The following TASP1 variants were observed in gnomAD, a reference collection of about 807,000 sequenced individuals.
TASP1 encodes taspase 1, also known as threonine aspartase 1.
TASP1 carries 16 observed loss-of-function variants against 56.6 expected under a neutral mutation model. That is an observed-to-expected ratio of 0.28 (90% CI 0.19 to 0.43). The LOEUF is 0.43. TASP1 is among the 20% of genes least tolerant of loss of function. The pLI, the probability that TASP1 is intolerant of heterozygous loss-of-function variation, is 1.00. For missense variants in TASP1, 393 were observed against 511.6 expected, an observed-to-expected ratio of 0.77 and a Z score of 2.24; for synonymous variants, 179 against 184.2, an observed-to-expected ratio of 0.97 and a Z score of 0.23.
At chr20:13,271,983 C>T in the TASP1 span, among the ~76,000 whole-genome samples, 2 of 152,006 alleles carry the variant, frequency 1.3e-5, no homozygotes, top group Admixed American at 6.5e-5. Context: ...TTTGCCATAT[C>T]GCTCAGGCTG....
At chr20:13,378,238 G>A in the TASP1 span, among the ~76,000 whole-genome samples, 2 of 152,104 alleles carry the variant, frequency 1.3e-5, no homozygotes, top group Non-Finnish European at 2.9e-5. Context: ...TCTTAACACT[G>A]CTTTAACTGT....
the TASP1 span, among the ~76,000 whole-genome samples, chr20:13,294,127 G>T: frequency 2.0e-5 from 3 of 152,172 alleles, no homozygotes; most frequent in Non-Finnish European, 4.4e-5. Flanking sequence ...ACCCAGTATT[G>T]CCAGATGTTC....
chr20:13,425,791 T>C (rs990717579), intron 12 of TASP1, among the ~76,000 whole-genome samples: 5 of 152,176 alleles, frequency 3.3e-5, no homozygotes, highest in African/African-American at 1.2e-4. Flanking sequence ...TGTTAGGGTC[T>C]TTATAACCAG....
At chr20:13,441,470 T>C (rs2043210183) in intron 11 of TASP1, among the ~76,000 whole-genome samples, 1 of 152,146 alleles carries the variant, frequency 6.6e-6, no homozygotes, top group Non-Finnish European at 1.5e-5. Flanking sequence ...CTTGTCTACA[T>C]TAAAGAGCAA....
At chr20:13,246,188 A>G in the TASP1 span, among the ~76,000 whole-genome samples, 280 of 151,798 alleles carry the variant, frequency 1.8e-3, 2 homozygotes, top group Admixed American at 3.3e-3. Flanking sequence ...CAGCAGAATC[A>G]CTTGAACCCA....
intron 7 of TASP1, among the ~76,000 whole-genome samples, chr20:13,566,013 T>C (rs1385925797): frequency 2.6e-5 from 4 of 152,170 alleles, no homozygotes; most frequent in Non-Finnish European, 5.9e-5. Context: ...CTATTCAGCC[T>C]TAAAAAGAAA....
intron 6 of TASP1, among the ~76,000 whole-genome samples, chr20:13,577,183 T>C (rs1453624265): frequency 6.6e-6 from 1 of 152,128 alleles, no homozygotes; most frequent in East Asian, 1.9e-4. Context: ...CTCTTCTAAC[T>C]TTGGAAAGAT....
chr20:13,582,269 A>C (rs1216341357), intron 5 of TASP1, among the ~76,000 whole-genome samples: 3 of 152,000 alleles, frequency 2.0e-5, no homozygotes, highest in Non-Finnish European at 4.4e-5. Flanking sequence ...CCAACTTATA[A>C]ATCCAATTTA....
chr20:13,370,111 A>G, the TASP1 span, among the ~76,000 whole-genome samples: 1 of 152,238 alleles, frequency 6.6e-6, no homozygotes, highest in Non-Finnish European at 1.5e-5. Flanking sequence ...AGATGTCAAC[A>G]CAAAGATAAG....
intron 8 of TASP1, among the ~76,000 whole-genome samples, chr20:13,555,811 T>C (rs2046138632): frequency 1.3e-5 from 2 of 152,212 alleles, no homozygotes; most frequent in Admixed American, 6.5e-5. Context: ...TCACTATCTA[T>C]GGCAGCCTTA....
chr20:13,348,080 T>C, the TASP1 span, among the ~76,000 whole-genome samples: 1 of 152,098 alleles, frequency 6.6e-6, no homozygotes, highest in Non-Finnish European at 1.5e-5. Context: ...GAGGAGGGTG[T>C]TGTTACCAGC....
intron 10 of TASP1, among the ~76,000 whole-genome samples, chr20:13,498,329 T>TGTGTG (rs2043806575): frequency 6.9e-5 from 8 of 115,940 alleles, no homozygotes; most frequent in South Asian, 3.0e-4. Context: ...TTTTCTTTTC[T>TGTGTG]TTTGTGTGTG....
chr20:13,387,184 A>ATTTTTTTTTTT (rs779048448), downstream of TASP1, among the ~76,000 whole-genome samples: 21 of 70,706 alleles, frequency 3.0e-4, 1 homozygote, highest in African/African-American at 1.2e-3. Flanking sequence ...ACATGATTTC[A>ATTTTTTTTTTT]TTTTTTTTTT....
the TASP1 span, among the ~76,000 whole-genome samples, chr20:13,282,762 T>G: frequency 1.5e-3 from 226 of 152,322 alleles, 4 homozygotes; most frequent in South Asian, 0.046. Flanking sequence ...GACTTTCATG[T>G]GCACATGAAT....
At chr20:13,426,307 T>C (rs2042615618) in intron 12 of TASP1, among the ~76,000 whole-genome samples, 2 of 152,332 alleles carry the variant, frequency 1.3e-5, no homozygotes, top group South Asian at 4.1e-4. Flanking sequence ...GTAAACTCTA[T>C]TATCCTTTGA....
chr20:13,395,707 TTTC>T (rs1188337848), intron 13 of TASP1, among the ~76,000 whole-genome samples: 1 of 150,982 alleles, frequency 6.6e-6, no homozygotes, highest in Non-Finnish European at 1.5e-5. Flanking sequence ...TTTTTTTTTT[TTTC>T]TTTTTTCTTG....
intron 5 of TASP1, among the ~76,000 whole-genome samples, chr20:13,583,391 A>T (rs2047192060): frequency 6.6e-6 from 1 of 152,204 alleles, no homozygotes; most frequent in Admixed American, 6.5e-5. Context: ...AATGACGTCT[A>T]AACGTACTTC....
the TASP1 span, among the ~76,000 whole-genome samples, chr20:13,113,739 G>A: frequency 3.9e-5 from 6 of 152,182 alleles, no homozygotes; most frequent in African/African-American, 1.4e-4. Context: ...CCAGCCCATA[G>A]AAAGCTCACA....
chr20:13,454,398 C>T (rs2043749339), intron 11 of TASP1, among the ~76,000 whole-genome samples: 1 of 152,052 alleles, frequency 6.6e-6, no homozygotes, highest in Non-Finnish European at 1.5e-5. Context: ...CCCTGGATGG[C>T]CTCCCTTCCC....
Sources: gnomAD v4.1 joint callset for allele counts (sites outside exome capture counted in the v4.1 genomes callset) on GRCh38, gnomAD v4.1.1 for gene constraint, MANE v1.5 for transcripts, NCBI Gene and HGNC (gene_info 2026-07-23, HGNC 2026-07-21) for gene names.